The following SCHIP1 variants were observed in gnomAD, a reference collection of about 807,000 sequenced individuals.
SCHIP1 encodes schwannomin-interacting protein 1.
In SCHIP1, 8 loss-of-function variants were observed where a neutral mutation model predicts 29.7. The ratio of observed to expected loss-of-function variants is 0.27; its 90% confidence interval spans 0.16 to 0.49. SCHIP1 has a LOEUF of 0.49. SCHIP1 is among the 20% of genes least tolerant of loss of function. The probability of loss-of-function intolerance (pLI) is 0.99; values close to 1 mark genes in which losing one functional copy is unlikely to be tolerated. For synonymous variants in SCHIP1, 76 were observed against 94.9 expected (o/e 0.80, Z 1.16); for missense variants, 193 against 294.6 (o/e 0.66, Z 2.52).
At chr3:159,440,207 G>A in the SCHIP1 span, among the ~76,000 whole-genome samples, 3 of 152,084 alleles carry the variant, frequency 2.0e-5, no homozygotes, top group Admixed American at 1.3e-4. Context: ...AGATCAGATT[G>A]TTCATAGGTA....
rs972372814 is a variant in SCHIP1 at position 159,876,328 on chromosome 3, G to A, written c.150-9879G>A. Among the ~76,000 whole-genome samples the A allele has an allele frequency of 4.6e-5, 7 of 152,264 alleles. No individual in the cohort carries two copies. The South Asian group carries it at 1.5e-3, about 32-fold the overall frequency. On this transcript the variant is annotated intron_variant, in intron 2 of 6. Coordinates refer to ENST00000445224, the Ensembl canonical transcript of SCHIP1. ...AGTGTAGCGTGGTGGGTAGGAGCGG[G>A]GTATTGGGAACCAGAGGGTCTGGCT...
chr3:159,582,777 AAT>A, the SCHIP1 span, among the ~76,000 whole-genome samples: 2,266 of 115,026 alleles, frequency 0.02, 77 homozygotes, highest in East Asian at 0.19. Context: ...ACGCAACTGA[AAT>A]ATATATATAC....
chr3:159,322,972 A>T, the SCHIP1 span, among the ~76,000 whole-genome samples: 1,693 of 152,306 alleles, frequency 0.011, 19 homozygotes, highest in South Asian at 0.033. Flanking sequence ...AATGGGCAAT[A>T]TCCTCTTTGT....
At chr3:159,281,740 T>C in the SCHIP1 span, among the ~76,000 whole-genome samples, 8 of 152,146 alleles carry the variant, frequency 5.3e-5, no homozygotes, top group Non-Finnish European at 1.2e-4. Context: ...CTAAACTACA[T>C]TGTAATATTC....
chr3:159,455,084 G>A, the SCHIP1 span, among the ~76,000 whole-genome samples: 4 of 152,170 alleles, frequency 2.6e-5, no homozygotes, highest in African/African-American at 9.6e-5. Flanking sequence ...AAAAGAGAGA[G>A]AAAATGAATC....
At chr3:159,629,303 A>G in the SCHIP1 span, among the ~76,000 whole-genome samples, 12 of 152,138 alleles carry the variant, frequency 7.9e-5, no homozygotes, top group African/African-American at 2.7e-4. Flanking sequence ...AAAAAGAAAA[A>G]CAAAAACAAA....
chr3:159,676,200 G>T, the SCHIP1 span, among the ~76,000 whole-genome samples: 1 of 152,140 alleles, frequency 6.6e-6, no homozygotes, highest in Non-Finnish European at 1.5e-5. Context: ...CTCCAGAAGG[G>T]TTTATACTTT....
the SCHIP1 span, among the ~76,000 whole-genome samples, chr3:159,825,710 C>T: frequency 6.6e-6 from 1 of 152,148 alleles, no homozygotes; most frequent in Non-Finnish European, 1.5e-5. Flanking sequence ...ATGGCCCTTG[C>T]TCTCTCACGG....
chr3:159,385,065 C>T, the SCHIP1 span, among the ~76,000 whole-genome samples: 65 of 152,144 alleles, frequency 4.3e-4, 1 homozygote, highest in South Asian at 0.013. Context: ...AAAACCAGCT[C>T]AGGAGCCGGG....
At chr3:159,451,826 A>G in the SCHIP1 span, among the ~76,000 whole-genome samples, 1 of 152,170 alleles carries the variant, frequency 6.6e-6, no homozygotes, top group Non-Finnish European at 1.5e-5. Context: ...GTGAGAGCTG[A>G]GGAGAAAGGT....
chr3:159,626,093 G>T, the SCHIP1 span, among the ~76,000 whole-genome samples: 1,738 of 20,162 alleles, frequency 0.086, 122 homozygotes, highest in African/African-American at 0.3. Flanking sequence ...AGCTTATATA[G>T]ATAGATAGAT....
the SCHIP1 span, among the ~76,000 whole-genome samples, chr3:159,387,618 G>A: frequency 1.1e-4 from 17 of 152,280 alleles, no homozygotes; most frequent in South Asian, 4.1e-4. Context: ...TTAAAAGTCC[G>A]TATAGTAAAA....
chr3:159,330,878 A>G, the SCHIP1 span, among the ~76,000 whole-genome samples: 1 of 152,104 alleles, frequency 6.6e-6, no homozygotes, highest in Admixed American at 6.6e-5. Context: ...TTTACATCCC[A>G]GTAGCTCCCC....
chr3:159,680,691 A>T, the SCHIP1 span, among the ~76,000 whole-genome samples: 1 of 57,770 alleles, frequency 1.7e-5, no homozygotes, highest in Admixed American at 3.5e-4. Flanking sequence ...ATATATGTAT[A>T]TATATAATAT....
the SCHIP1 span, among the ~76,000 whole-genome samples, chr3:159,628,520 T>C: frequency 1.3e-5 from 2 of 152,126 alleles, no homozygotes; most frequent in East Asian, 1.9e-4. Context: ...GATTATTAGG[T>C]TCAAGAAAAT....
the SCHIP1 span, among the ~76,000 whole-genome samples, chr3:159,589,064 A>G: frequency 1.3e-5 from 2 of 152,194 alleles, no homozygotes; most frequent in East Asian, 3.9e-4. Flanking sequence ...CAGTATGGCC[A>G]TTTTTCACAA....
the SCHIP1 span, among the ~76,000 whole-genome samples, chr3:159,654,129 C>T: frequency 6.6e-6 from 1 of 152,042 alleles, no homozygotes; most frequent in Non-Finnish European, 1.5e-5. Context: ...ACATGCAAAT[C>T]GCATAAAGAT....
chr3:159,439,143 C>T, the SCHIP1 span, among the ~76,000 whole-genome samples: 1 of 152,130 alleles, frequency 6.6e-6, no homozygotes. Flanking sequence ...CACAACCTCA[C>T]CAATATCTGT....
At chr3:159,711,837 G>C in the SCHIP1 span, among the ~76,000 whole-genome samples, 3 of 152,156 alleles carry the variant, frequency 2.0e-5, no homozygotes, top group Non-Finnish European at 2.9e-5. Flanking sequence ...ATGAAGAATC[G>C]GCTCTGAAGG....
Sources: allele counts gnomAD v4.1 joint callset (sites outside exome capture counted in the v4.1 genomes callset), GRCh38; gene constraint gnomAD v4.1.1; transcripts MANE v1.5; gene names NCBI Gene and HGNC (gene_info 2026-07-23, HGNC 2026-07-21).